RNGTT: variants seen among roughly 807,000 people sequenced by gnomAD.
The protein encoded by RNGTT is RNA guanylyltransferase and 5'-phosphatase.
Under a neutral mutation model 79.3 loss-of-function variants are expected in RNGTT, and 33 were observed. The observed-to-expected ratio is 0.42, with a 90% CI of 0.32 to 0.56. The LOEUF (loss-of-function observed/expected upper bound fraction) is 0.56. Ranked by LOEUF, RNGTT falls within the 20% of genes least tolerant of loss-of-function variation. The probability of loss-of-function intolerance (pLI) is 0.17; values close to 1 mark genes in which losing one functional copy is unlikely to be tolerated. For synonymous variants in RNGTT, 222 were observed against 235.9 expected, an observed-to-expected ratio of 0.94 and a Z score of 0.54; for missense variants, 497 against 739.1, an observed-to-expected ratio of 0.67 and a Z score of 3.80.
chr6:88,809,919 T>C (rs1235098459), intron 11 of RNGTT, among the ~76,000 whole-genome samples: 5 of 151,556 alleles, frequency 3.3e-5, no homozygotes, highest in Non-Finnish European at 7.4e-5. Context: ...CATGGTGGCA[T>C]GCACCTAAGT....
chr6:88,727,545 T>C (rs1776959270), intron 13 of RNGTT, among the ~76,000 whole-genome samples: 1 of 152,216 alleles, frequency 6.6e-6, no homozygotes, highest in African/African-American at 2.4e-5. Flanking sequence ...TCTTACTTTA[T>C]GGTCAGACAT....
chr6:88,962,008 A>G (rs1785645198), intron 1 of RNGTT, among the ~76,000 whole-genome samples: 2 of 152,240 alleles, frequency 1.3e-5, no homozygotes. Context: ...CATAATCTGG[A>G]TGAGTATCAA....
In RNGTT at chr6:88,907,773, T is replaced by C. The variant is rs1194889238; in HGVS notation, c.368-1333A>G. 5.3e-5 allele frequency among the ~76,000 whole-genome samples: 8 copies of C among 150,410 alleles called. No homozygotes were observed. The South Asian group carries it at 8.5e-4, about 16-fold the overall frequency. ...TTTTTTTTTAGAGACAGGATCTCAT[T>C]CTGTCAACCAGGCTGGAGTTCAGTA... On this transcript the variant is annotated intron_variant, in intron 4 of 15. Coordinates refer to ENST00000369485, the MANE Select transcript of RNGTT (RefSeq NM_003800.5).
chr6:88,642,397 A>G (rs1562165606), intron 14 of RNGTT, among the ~76,000 whole-genome samples: 1 of 152,212 alleles, frequency 6.6e-6, no homozygotes, highest in Non-Finnish European at 1.5e-5. Flanking sequence ...AACATATCAA[A>G]GGGAAAATTT....
In RNGTT at chr6:88,875,424, A is replaced by G. The variant is rs181899805; in HGVS notation, c.896+15071T>C. Among the ~76,000 whole-genome samples the G allele has an allele frequency of 1.5e-3, 230 of 152,242 alleles. 1 individual carries two copies. Among genetic ancestry groups the G allele is most frequent in the Middle Eastern group, 3.4e-3 (1 of 294 alleles). On this transcript the variant is annotated intron_variant, in intron 8 of 15. Coordinates refer to ENST00000369485, the MANE Select transcript of RNGTT (RefSeq NM_003800.5). ...TTTTAATGTTTTATGAGGAAGACAGAAGACATTATCAGAAAAAATATATTT... is the reference window on the plus strand; with the variant it reads ...TTTTAATGTTTTATGAGGAAGACAGGAGACATTATCAGAAAAAATATATTT...
intron 14 of RNGTT, among the ~76,000 whole-genome samples, chr6:88,639,788 A>C (rs1200096367): frequency 1.3e-5 from 2 of 152,214 alleles, no homozygotes; most frequent in Non-Finnish European, 2.9e-5. Context: ...CAGCAGCCAC[A>C]CTCAGAGCCA....
chr6:88,814,261 C>T (rs1000137513), intron 11 of RNGTT, among the ~76,000 whole-genome samples: 2 of 152,252 alleles, frequency 1.3e-5, no homozygotes, highest in Non-Finnish European at 2.9e-5. Context: ...GTGAAGACAA[C>T]AGTAATAACG....
intron 4 of RNGTT, among the ~76,000 whole-genome samples, chr6:88,911,573 AAAATAG>A (rs1234475227): frequency 6.6e-6 from 1 of 152,196 alleles, no homozygotes; most frequent in East Asian, 1.9e-4. Context: ...CAGTGAAATA[AAAATAG>A]AAATCAATAC....
intron 13 of RNGTT, among the ~76,000 whole-genome samples, chr6:88,738,687 A>C (rs1325862666): frequency 2.6e-5 from 4 of 152,158 alleles, no homozygotes; most frequent in Admixed American, 2.6e-4. Context: ...ATATTGGTTC[A>C]TTAATTGTAA....
At chr6:88,770,164 CT>C (rs1016702776) in intron 12 of RNGTT, among the ~76,000 whole-genome samples, 1 of 151,810 alleles carries the variant, frequency 6.6e-6, no homozygotes. Context: ...TTTAAAAATG[CT>C]TTTTTTTCTT....
At chr6:88,926,180 A>T (rs1562038449) in intron 4 of RNGTT, among the ~76,000 whole-genome samples, 1 of 152,232 alleles carries the variant, frequency 6.6e-6, no homozygotes, top group Non-Finnish European at 1.5e-5. Context: ...TATGTGGTTG[A>T]CTAATGGAAC....
intron 6 of RNGTT, among the ~76,000 whole-genome samples, chr6:88,903,875 T>C (rs1258487538): frequency 6.6e-6 from 1 of 152,216 alleles, no homozygotes; most frequent in Non-Finnish European, 1.5e-5. Context: ...CCAATACTTT[T>C]CCTCTCAACA....
chr6:88,632,480 C>A (rs545245606), intron 14 of RNGTT, among the ~76,000 whole-genome samples: 4 of 150,404 alleles, frequency 2.7e-5, no homozygotes, highest in Non-Finnish European at 4.4e-5. Flanking sequence ...TAAGTTTGAT[C>A]CAGTTTATCT....
At chr6:88,657,910 T>G (rs548965467) in intron 14 of RNGTT, among the ~76,000 whole-genome samples, 21 of 152,262 alleles carry the variant, frequency 1.4e-4, no homozygotes, top group Non-Finnish European at 8.8e-5. Flanking sequence ...TAAGCCCTGC[T>G]CAAGGAGAGT....
chr6:88,962,740 ATATACAT>A (rs1319412338), intron 1 of RNGTT, among the ~76,000 whole-genome samples: 1 of 151,826 alleles, frequency 6.6e-6, no homozygotes, highest in East Asian at 1.9e-4. Flanking sequence ...TGTCTCAAAT[ATATACAT>A]TATAAATATA....
intron 12 of RNGTT, among the ~76,000 whole-genome samples, chr6:88,800,349 A>G (rs187010886): frequency 2.9e-4 from 44 of 152,290 alleles, no homozygotes; most frequent in African/African-American, 1.0e-3. Context: ...CTGGTGCTCA[A>G]AACATTATAA....
intron 11 of RNGTT, among the ~76,000 whole-genome samples, chr6:88,824,248 G>T (rs1158627353): frequency 6.6e-6 from 1 of 152,094 alleles, no homozygotes; most frequent in South Asian, 2.1e-4. Flanking sequence ...TATACACTAG[G>T]CTATACAATA....
chr6:88,697,886 T>TAC (rs551145816), intron 13 of RNGTT, among the ~76,000 whole-genome samples: 101 of 101,810 alleles, frequency 9.9e-4, no homozygotes, highest in African/African-American at 3.8e-3. Context: ...AAAATATATA[T>TAC]ATGATATATA....
intron 13 of RNGTT, among the ~76,000 whole-genome samples, chr6:88,755,634 T>C (rs569437178): frequency 1.2e-3 from 185 of 152,040 alleles, no homozygotes; most frequent in African/African-American, 4.3e-3. Context: ...TTAGAAACTA[T>C]TCTAAAATTT....
Sources: allele counts gnomAD v4.1 joint callset (sites outside exome capture counted in the v4.1 genomes callset), GRCh38; gene constraint gnomAD v4.1.1; transcripts MANE v1.5; gene names NCBI Gene and HGNC (gene_info 2026-07-23, HGNC 2026-07-21).